Variants in KCMF1 observed in about 807,000 individuals in gnomAD.
The protein encoded by KCMF1 is potassium channel modulatory factor 1, also known as E3 ubiquitin-protein ligase KCMF1.
In KCMF1, 3 loss-of-function variants were observed where a neutral mutation model predicts 41.1. That is an observed-to-expected ratio of 0.07 (90% CI 0.03 to 0.19). The LOEUF (loss-of-function observed/expected upper bound fraction) is 0.19. KCMF1 is among the 10% of genes least tolerant of loss of function. KCMF1 has a pLI of 1.00. For synonymous variants in KCMF1, 142 were observed against 164.5 expected (o/e 0.86, Z 1.04); for missense variants, 286 against 488.9 (o/e 0.58, Z 3.91).
intron 1 of KCMF1, among the ~76,000 whole-genome samples, chr2:85,000,340 G>A (rs1674298029): frequency 6.6e-6 from 1 of 152,090 alleles, no homozygotes; most frequent in South Asian, 2.1e-4. Flanking sequence ...AGCCAGGATG[G>A]TCTCGATCTC....
chr2:85,030,457 A>G (rs1310535426), intron 2 of KCMF1, among the ~76,000 whole-genome samples: 2 of 152,186 alleles, frequency 1.3e-5, no homozygotes, highest in African/African-American at 2.4e-5. Context: ...TAAGAGTTTT[A>G]TAGTTTTAGC....
intron 1 of KCMF1, among the ~76,000 whole-genome samples, chr2:84,988,373 G>A (rs1217031108): frequency 6.6e-6 from 1 of 152,172 alleles, no homozygotes; most frequent in Non-Finnish European, 1.5e-5. Flanking sequence ...AGGCACTGTT[G>A]TAAGCATTTC....
intron 1 of KCMF1, among the ~76,000 whole-genome samples, chr2:84,988,923 A>G (rs1673969388): frequency 6.6e-6 from 1 of 152,240 alleles, no homozygotes; most frequent in South Asian, 2.1e-4. Flanking sequence ...ACAGATGAAC[A>G]TGACTATGAT....
rs555062022 is a variant in KCMF1 at position 85,000,314 on chromosome 2, G to A, written c.17-27575G>A. Among the ~76,000 whole-genome samples, 412 of 150,474 alleles carry A rather than the reference G, an allele frequency of 2.7e-3. 3 individuals carry two copies. The highest frequency in any genetic ancestry group is 9.6e-3 in the African/African-American group (396 of 41,188). On this transcript the variant is annotated intron_variant, in intron 1 of 6. Transcript: ENST00000409785. ...CTAATTTCGTGTTTTTAGTAGAGAC[G>A]GGGTTTCACCGTGTTAGCCAGGATG...
At chr2:85,052,216 C>T (rs773740085) in intron 6 of KCMF1, among the ~76,000 whole-genome samples, 3 of 152,110 alleles carry the variant, frequency 2.0e-5, no homozygotes, top group Admixed American at 6.6e-5. Context: ...ATTATAGGCA[C>T]GCACCCCCAC....
rs1291673376 is a variant in KCMF1, at chr2:84,971,379, CAGCGCCGGGACCCCGCGGGG to C, written c.-72_-53del. 8.9e-6 allele frequency: 9 copies of C among 1,016,066 alleles called. No individual in the cohort carries two copies. The highest frequency in any genetic ancestry group is 1.1e-5 in the Non-Finnish European group (9 of 835,058). 62.9% of individuals were successfully genotyped at this position (1,016,066 alleles called of 1,614,324 possible). On this transcript the variant is annotated 5_prime_UTR_variant, in exon 1 of 7. Transcript: ENST00000409785. Reference sequence around the variant, plus strand: ...GTGGGAGTCGGCCGGCCGGCGCGGGCAGCGCCGGGACCCCGCGGGGGACACTGCAGCCGGAGCCCGGGAGG... The same window carrying C: ...GTGGGAGTCGGCCGGCCGGCGCGGGCGACACTGCAGCCGGAGCCCGGGAGG...
chr2:85,001,109 A>C (rs1354868298), intron 1 of KCMF1, among the ~76,000 whole-genome samples: 1 of 150,902 alleles, frequency 6.6e-6, no homozygotes, highest in Non-Finnish European at 1.5e-5. Context: ...TACAGGTGTG[A>C]GCCACTACTC....
chr2:84,979,841 A>T (rs1030452684), intron 1 of KCMF1, among the ~76,000 whole-genome samples: 8 of 150,620 alleles, frequency 5.3e-5, no homozygotes, highest in Non-Finnish European at 1.0e-4. Context: ...TTTTTTTTTG[A>T]GACCGAGTTT....
intron 1 of KCMF1, among the ~76,000 whole-genome samples, chr2:85,001,984 C>A (rs1265884094): frequency 1.3e-5 from 2 of 152,082 alleles, no homozygotes; most frequent in Non-Finnish European, 2.9e-5. Context: ...TCTAAACATA[C>A]CTAAACATAA....
At chr2:85,049,690 TTTATTGCCACTACAGTC>T in intron 6 of KCMF1, 42 bp downstream of exon 6, 1 of 1,481,044 alleles carries the variant, frequency 6.8e-7, no homozygotes, top group Non-Finnish European at 9.3e-7. Flanking sequence ...GAAGTAATAT[TTTATTGCCACTACAGTC>T]TGGAATTATC....
chr2:85,013,540 T>G (rs139536186), intron 1 of KCMF1, among the ~76,000 whole-genome samples: 1 of 152,204 alleles, frequency 6.6e-6, no homozygotes, highest in Non-Finnish European at 1.5e-5. Flanking sequence ...TGGCTCATGC[T>G]TGTAATCCCA....
intron 1 of KCMF1, among the ~76,000 whole-genome samples, chr2:84,973,734 ATTAG>A (rs954134557): frequency 6.6e-6 from 1 of 151,432 alleles, no homozygotes; most frequent in Non-Finnish European, 1.5e-5. Context: ...CACCCTTGCT[ATTAG>A]TTCTTTTCTT....
intron 1 of KCMF1, among the ~76,000 whole-genome samples, chr2:84,987,739 T>G (rs1408060352): frequency 6.6e-6 from 1 of 152,156 alleles, no homozygotes; most frequent in Admixed American, 6.5e-5. Context: ...AGGCTAGATT[T>G]CTAAGGATGA....
chr2:85,021,774 T>C (rs897343064), intron 1 of KCMF1, among the ~76,000 whole-genome samples: 12 of 152,158 alleles, frequency 7.9e-5, no homozygotes, highest in Non-Finnish European at 1.8e-4. Flanking sequence ...TAAGTGCTTA[T>C]TGTTAATGGC....
intron 1 of KCMF1, among the ~76,000 whole-genome samples, chr2:84,974,968 A>C (rs1553520758): frequency 6.6e-6 from 1 of 151,796 alleles, no homozygotes; most frequent in Non-Finnish European, 1.5e-5. Context: ...CGGCCTCCCA[A>C]AGTGGTGGGA....
intron 1 of KCMF1, among the ~76,000 whole-genome samples, chr2:84,978,201 TAGTC>T (rs921886243): frequency 2.0e-5 from 3 of 152,042 alleles, no homozygotes; most frequent in Non-Finnish European, 4.4e-5. Flanking sequence ...TTCTCCATGT[TAGTC>T]AGGCTGGTCT....
intron 1 of KCMF1, among the ~76,000 whole-genome samples, chr2:85,027,366 C>CT (rs934531367): frequency 0.023 from 1,486 of 65,738 alleles, 343 homozygotes; most frequent in Non-Finnish European, 0.029. Flanking sequence ...CTTATCAAGG[C>CT]TTTTTTTTTT....
At chr2:84,979,521 C>CT (rs1318569668) in intron 1 of KCMF1, among the ~76,000 whole-genome samples, 26 of 25,010 alleles carry the variant, frequency 1.0e-3, no homozygotes, top group Admixed American at 2.7e-3. Flanking sequence ...GAAATTCTGT[C>CT]TAAAAAAAAA....
intron 1 of KCMF1, among the ~76,000 whole-genome samples, chr2:84,981,593 T>C (rs1261994206): frequency 1.3e-5 from 2 of 152,102 alleles, no homozygotes; most frequent in African/African-American, 4.8e-5. Context: ...ATTAGGAGAG[T>C]CACTTTTTAG....
Sources: gnomAD v4.1 joint callset for allele counts (sites outside exome capture counted in the v4.1 genomes callset) on GRCh38, gnomAD v4.1.1 for gene constraint, MANE v1.5 for transcripts, NCBI Gene and HGNC (gene_info 2026-07-23, HGNC 2026-07-21) for gene names.